Variants in HUWE1 observed in about 807,000 individuals in gnomAD.
The protein encoded by HUWE1 is HECT, UBA and WWE domain containing E3 ubiquitin protein ligase 1.
HUWE1 carries 18 observed loss-of-function variants against 299.4 expected under a neutral mutation model. The ratio of observed to expected loss-of-function variants is 0.06; its 90% CI spans 0.04 to 0.09. The LOEUF is 0.09. Among genes scored for constraint, HUWE1 ranks in the 10% least tolerant of loss-of-function variants. The pLI is 1.00. For synonymous variants in HUWE1, 1,317 were observed against 1,286.1 expected (o/e 1.02, Z -0.51); for missense variants, 1,832 against 3,462.3 (o/e 0.53, Z 11.82).
At chrX:53,575,837 A>T (rs782158805) in intron 44 of HUWE1, 49 bp from the exon 45 acceptor site, 1 of 1,162,537 alleles carries the variant, frequency 8.6e-7, no homozygotes, top group Admixed American at 2.2e-5. Flanking sequence ...CTCTTCTACA[A>T]TTGGACAATG....
intron 75 of HUWE1, among the ~76,000 whole-genome samples, chrX:53,539,455 A>C (rs1556916450): frequency 1.8e-5 from 2 of 111,789 alleles, no homozygotes; most frequent in Non-Finnish European, 3.8e-5. Flanking sequence ...CCCCTTGTCT[A>C]TAAAGTGAAA....
chrX:53,573,852 A>G lies in HUWE1; in HGVS notation c.6210T>C (p.Thr2070=). The G allele has an allele frequency of 8.3e-7, 1 of 1,210,621 alleles. No individual in the cohort carries two copies. The highest frequency in any genetic ancestry group is 2.3e-4 in the Middle Eastern group (1 of 4,349). The part of the protein sequence containing the change: ...KGSKPLMPTS[T]ILRLLAELVR... ...CCAACTCTGCCAGAAGACGAAGGAT[A>G]GTGGAGGTAGGCATTAAAGGTTTGC... Residue 2070 remains threonine (T), a synonymous_variant, in exon 47 of 84, where the codon ACT becomes ACC. Coordinates refer to ENST00000262854, the MANE Select transcript of HUWE1 (RefSeq NM_031407.7).
intron 3 of HUWE1, among the ~76,000 whole-genome samples, chrX:53,675,162 C>T (rs1375377764): frequency 2.7e-5 from 3 of 110,358 alleles, no homozygotes; most frequent in African/African-American, 6.6e-5. Flanking sequence ...TTTTTATGTA[C>T]CAAGTACATT....
At chrX:53,625,596 G>A in intron 17 of HUWE1, 2 of 195,564 alleles carry the variant, frequency 1.0e-5, no homozygotes, top group Non-Finnish European at 1.9e-5. Flanking sequence ...GCAAATTGTT[G>A]GAAAAGTATA....
At chrX:53,666,158 T>A (rs1388236901) in intron 3 of HUWE1, among the ~76,000 whole-genome samples, 1 of 112,060 alleles carries the variant, frequency 8.9e-6, no homozygotes, top group Non-Finnish European at 1.9e-5. Context: ...GAGACTTATT[T>A]TGAAAACTAA....
intron 19 of HUWE1, among the ~76,000 whole-genome samples, chrX:53,618,838 T>C (rs145034841): frequency 0.022 from 2,346 of 108,481 alleles, 69 homozygotes; most frequent in African/African-American, 0.076. Context: ...ACTGGGATTA[T>C]AGGCGTGAGC....
intron 50 of HUWE1, 99 bp from the exon 51 acceptor site, chrX:53,564,821 G>C: frequency 9.4e-7 from 1 of 1,065,363 alleles, no homozygotes; most frequent in Non-Finnish European, 1.3e-6. Context: ...CCTTGGGCAA[G>C]TTTGTAAGTT....
intron 81 of HUWE1, 134 bp downstream of exon 81, chrX:53,535,250 C>G: frequency 1.9e-6 from 1 of 532,785 alleles, no homozygotes; most frequent in Non-Finnish European, 3.4e-6. Context: ...TATTTTTGAT[C>G]AAGTGTTTTG....
chrX:53,679,260 T>C (rs1557052222), intron 3 of HUWE1, among the ~76,000 whole-genome samples: 1 of 111,131 alleles, frequency 9.0e-6, no homozygotes, highest in Non-Finnish European at 1.9e-5. Flanking sequence ...TTTCTCAGGA[T>C]CCTGATTCAA....
In HUWE1 at chrX:53,552,747, C is replaced by G. The variant is rs781927605; in HGVS notation, c.8641G>C (p.Glu2881Gln). 9.9e-6 allele frequency: 12 copies of G among 1,210,202 alleles called. No homozygotes were observed. The African/African-American group carries it at 2.1e-4, about 21-fold the overall frequency. ...VGDTSAAGSS[E>Q]QPRAGSSTPG... is the part of the protein sequence containing the mutation. ...GTGGAGCTGCCTGCTCTGGGCTGCT[C>G]AGAACTGCCAGCTGCTGAAGTGTCA... Residue 2881 changes from glutamate (E) to glutamine (Q), a missense_variant, in exon 62 of 84, where the codon GAG (glutamate) becomes CAG (glutamine). Around this residue, in one of 15 missense-constraint regions of HUWE1, gnomAD observed 143 missense variants for 148.1 expected, o/e 0.97. Coordinates refer to ENST00000262854, the MANE Select transcript of HUWE1 (RefSeq NM_031407.7).
At chrX:53,624,706 C>T (rs782252734) in intron 18 of HUWE1, 31 bp from the exon 19 acceptor site, 34 of 1,031,318 alleles carry the variant, frequency 3.3e-5, no homozygotes, top group Non-Finnish European at 4.2e-5. Context: ...ATGGAGAATA[C>T]GAATAGTCTG....
intron 21 of HUWE1, 120 bp from the exon 22 acceptor site, chrX:53,615,955 CCTTTA>C: frequency 1.8e-6 from 1 of 542,506 alleles, no homozygotes. Flanking sequence ...GATTTTCTTT[CCTTTA>C]AAGACTTTAT....
chrX:53,554,985 C>T, intron 60 of HUWE1, 65 bp from the exon 61 acceptor site: 1 of 901,597 alleles, frequency 1.1e-6, no homozygotes, highest in Non-Finnish European at 1.5e-6. Context: ...GGAGCCACCC[C>T]AATCAGCAAA....
chrX:53,680,306 G>A (rs1270888352), intron 2 of HUWE1, 120 bp from the exon 3 acceptor site: 1 of 279,585 alleles, frequency 3.6e-6, no homozygotes, highest in African/African-American at 2.8e-5. Flanking sequence ...TAAAGCAATA[G>A]TCCTTACATA....
At chrX:53,604,966 C>T in intron 25 of HUWE1, 132 bp from the exon 26 acceptor site, 1 of 603,519 alleles carries the variant, frequency 1.7e-6, no homozygotes, top group Non-Finnish European at 2.6e-6. Flanking sequence ...TGGTCTCTCA[C>T]CTGGTAAATG....
At chrX:53,583,512 G>T in intron 42 of HUWE1, 46 bp downstream of exon 42, 1 of 894,767 alleles carries the variant, frequency 1.1e-6, no homozygotes, top group Non-Finnish European at 1.6e-6. Flanking sequence ...GGAGAACATA[G>T]GTATGATGTA....
chrX:53,564,728 ACAAT>A lies in HUWE1; in HGVS notation c.6881-10_6881-7del. The A allele has an allele frequency of 2.5e-6, 3 of 1,211,893 alleles. No homozygotes were observed. The highest frequency in any genetic ancestry group is 3.3e-6 in the Non-Finnish European group (3 of 895,566). ...TTCTGCTTCCCCAGGCTCGCCTGAA[ACAAT>A]CAACCAACCAGCAAAATAATCAAAG... On this transcript the variant is annotated splice_polypyrimidine_tract_variant and splice_region_variant and intron_variant, in intron 50 of 83. Coordinates refer to ENST00000262854, the MANE Select transcript of HUWE1 (RefSeq NM_031407.7).
At chrX:53,597,333 GA>G (rs78456710) in intron 29 of HUWE1, among the ~76,000 whole-genome samples, 1,383 of 90,482 alleles carry the variant, frequency 0.015, 24 homozygotes, top group African/African-American at 0.046. Context: ...TACTTTGAAG[GA>G]AAAAAAAAAA....
intron 4 of HUWE1, among the ~76,000 whole-genome samples, chrX:53,650,161 C>T (rs2068359080): frequency 8.9e-6 from 1 of 112,222 alleles, no homozygotes; most frequent in South Asian, 3.7e-4. Context: ...AGTGGTTCCC[C>T]ACTAAATGTG....
Sources: gnomAD v4.1 joint callset for allele counts (sites outside exome capture counted in the v4.1 genomes callset) on GRCh38, gnomAD v4.1.1 for gene constraint, gnomAD v4.1.1 regional missense constraint, MANE v1.5 for transcripts, NCBI Gene and HGNC (gene_info 2026-07-23, HGNC 2026-07-21) for gene names.